GRIK2: variants seen among roughly 807,000 people sequenced by gnomAD.
GRIK2 encodes glutamate ionotropic receptor kainate type subunit 2.
GRIK2 carries 32 observed loss-of-function variants against 100.3 expected under a neutral mutation model. That is an observed-to-expected ratio of 0.32 (90% CI 0.24 to 0.43). The LOEUF (loss-of-function observed/expected upper bound fraction) is 0.43, where lower values mean the gene tolerates loss of function less well. Among genes scored for constraint, GRIK2 ranks in the 20% least tolerant of loss-of-function variants. The probability of loss-of-function intolerance (pLI) is 1.00; values close to 1 mark genes in which losing one functional copy is unlikely to be tolerated. For synonymous variants in GRIK2, 417 were observed against 389.4 expected (o/e 1.07, Z -0.83); for missense variants, 843 against 1,114.9 (o/e 0.76, Z 3.47).
intron 2 of GRIK2, among the ~76,000 whole-genome samples, chr6:101,478,545 A>C (rs1351132659): frequency 7.5e-6 from 1 of 133,730 alleles, no homozygotes. Flanking sequence ...ATGGAGTCTC[A>C]CTCGGTTGCC....
intron 10 of GRIK2, among the ~76,000 whole-genome samples, chr6:101,844,751 T>G (rs1157854523): frequency 6.6e-6 from 1 of 152,166 alleles, no homozygotes; most frequent in Non-Finnish European, 1.5e-5. Flanking sequence ...GTCTCATTTT[T>G]TTCTTTTTGG....
At chr6:101,427,379 A>G (rs1362223055) in intron 2 of GRIK2, among the ~76,000 whole-genome samples, 1 of 152,180 alleles carries the variant, frequency 6.6e-6, no homozygotes, top group Admixed American at 6.5e-5. Flanking sequence ...TGGAAGTTAC[A>G]TATTTGTCTT....
chr6:101,419,372 G>T (rs992652474), intron 2 of GRIK2, among the ~76,000 whole-genome samples: 2 of 152,158 alleles, frequency 1.3e-5, no homozygotes, highest in Admixed American at 6.5e-5. Flanking sequence ...AGAGGCTAGG[G>T]AGGGGTGGAG....
intron 12 of GRIK2, among the ~76,000 whole-genome samples, chr6:101,902,392 G>T (rs1336466540): frequency 2.0e-5 from 3 of 151,972 alleles, no homozygotes; most frequent in Non-Finnish European, 4.4e-5. Flanking sequence ...TGACAAGGTT[G>T]TAGAGCCTTG....
At chr6:101,548,852 G>A (rs1462259158) in intron 2 of GRIK2, among the ~76,000 whole-genome samples, 4 of 152,118 alleles carry the variant, frequency 2.6e-5, no homozygotes. Context: ...TATAGGTATG[G>A]ATATGTAGAA....
At chr6:101,794,501 C>T (rs1034701329) in intron 7 of GRIK2, among the ~76,000 whole-genome samples, 3 of 152,030 alleles carry the variant, frequency 2.0e-5, no homozygotes, top group East Asian at 1.9e-4. Flanking sequence ...TTTTGTATAT[C>T]GTTTGTTCCC....
chr6:101,463,857 T>C (rs1771473802), intron 2 of GRIK2, among the ~76,000 whole-genome samples: 1 of 152,110 alleles, frequency 6.6e-6, no homozygotes, highest in African/African-American at 2.4e-5. Context: ...AATTTCACTT[T>C]GTGTGATGGT....
rs370241149 is a variant in GRIK2 at position 101,909,371 on chromosome 6, G to GTTTTTTTTTTTTTTTTTTTTTT, written c.1749-15226_1749-15225insTTTTTTTTTTTTTTTTTTTTTT. On this transcript the variant is annotated intron_variant, in intron 12 of 16. Transcript: ENST00000369134. Reference sequence around the variant, plus strand: ...TTTTTGGATGCTGAAGGAAGATAGGGTTTTCTTTTTCTTTTTTTTTTTTTT... The same window carrying GTTTTTTTTTTTTTTTTTTTTTT: ...TTTTTGGATGCTGAAGGAAGATAGGGTTTTTTTTTTTTTTTTTTTTTTTTTTCTTTTTCTTTTTTTTTTTTTT... Among the ~76,000 whole-genome samples, 2 of 83,536 alleles carry GTTTTTTTTTTTTTTTTTTTTTT rather than the reference G, an allele frequency of 2.4e-5. 1 individual carries two copies. The highest frequency in any genetic ancestry group is 8.7e-5 in the African/African-American group (2 of 22,872). 54.8% of individuals were successfully genotyped at this position (83,536 alleles called of 152,430 possible).
chr6:101,650,901 T>A (rs1781754626), intron 4 of GRIK2, among the ~76,000 whole-genome samples: 1 of 151,998 alleles, frequency 6.6e-6, no homozygotes, highest in Non-Finnish European at 1.5e-5. Flanking sequence ...CGCATATGCA[T>A]TAAACAAAAG....
chr6:101,823,429 C>A (rs1362444890), intron 10 of GRIK2, among the ~76,000 whole-genome samples: 1 of 150,260 alleles, frequency 6.7e-6, no homozygotes, highest in East Asian at 2.0e-4. Flanking sequence ...CAGGTCTATG[C>A]CTAAAGCTCA....
chr6:101,488,238 A>G (rs1008709305), intron 2 of GRIK2, among the ~76,000 whole-genome samples: 1 of 146,734 alleles, frequency 6.8e-6, no homozygotes, highest in Non-Finnish European at 1.5e-5. Flanking sequence ...AAGAATGCTT[A>G]AGAAAAGCTT....
intron 16 of GRIK2, among the ~76,000 whole-genome samples, chr6:102,057,554 C>A (rs1771524175): frequency 2.0e-5 from 3 of 151,932 alleles, no homozygotes; most frequent in South Asian, 4.1e-4. Context: ...CAAACGGAAA[C>A]AATGAAGCAT....
intron 2 of GRIK2, among the ~76,000 whole-genome samples, chr6:101,584,704 T>A (rs1778268463): frequency 6.6e-6 from 1 of 151,970 alleles, no homozygotes; most frequent in African/African-American, 2.4e-5. Flanking sequence ...TAAATCAGCA[T>A]AACTACCCAA....
intron 7 of GRIK2, among the ~76,000 whole-genome samples, chr6:101,719,682 G>A (rs1170372574): frequency 6.6e-6 from 1 of 151,960 alleles, no homozygotes; most frequent in Non-Finnish European, 1.5e-5. Context: ...TATATGAATA[G>A]CTGTGCTAAA....
In GRIK2 at chr6:101,591,194, AT is replaced by A. The variant is rs148659120; in HGVS notation, c.116-30745del. The stretch of plus-strand genomic sequence containing the variant: ...AGCAATGGTGAATCTTTTTTGTTCC[AT>A]TTTTTTTTTAATTTTTCCGCATAAG... On this transcript the variant is annotated intron_variant, in intron 2 of 16. Transcript: ENST00000369134. Among the ~76,000 whole-genome samples the A allele has an allele frequency of 8.2e-3, 1,183 of 144,314 alleles. 16 individuals carry two copies. The highest frequency in any genetic ancestry group is 0.028 in the African/African-American group (1,082 of 39,082). The allele number at this position is 144,314 out of a possible 152,430, so 94.7% of individuals were successfully genotyped here. A position where few individuals can be genotyped will look rare whatever the true frequency, so the allele number is the denominator to read the frequency against.
chr6:101,900,084 T>G (rs181245511), intron 12 of GRIK2, among the ~76,000 whole-genome samples: 22 of 152,266 alleles, frequency 1.4e-4, no homozygotes, highest in Middle Eastern at 3.4e-3. Flanking sequence ...AATGTTGATA[T>G]TACTACTTCA....
At chr6:101,971,691 AC>A (rs1793061975) in intron 14 of GRIK2, among the ~76,000 whole-genome samples, 1 of 151,934 alleles carries the variant, frequency 6.6e-6, no homozygotes, top group Non-Finnish European at 1.5e-5. Flanking sequence ...TGATCCTGTC[AC>A]CCAGGTATTG....
intron 2 of GRIK2, among the ~76,000 whole-genome samples, chr6:101,402,494 T>C (rs1411910467): frequency 1.3e-5 from 2 of 152,198 alleles, no homozygotes; most frequent in African/African-American, 2.4e-5. Flanking sequence ...TGAGAAAAGG[T>C]ATCCGGAGCA....
chr6:101,904,619 T>G (rs533417200), intron 12 of GRIK2, among the ~76,000 whole-genome samples: 134 of 151,620 alleles, frequency 8.8e-4, no homozygotes, highest in Non-Finnish European at 1.8e-3. Flanking sequence ...CATAAAAATT[T>G]ATGAAATCAT....
Sources: gnomAD v4.1 joint callset for allele counts (sites outside exome capture counted in the v4.1 genomes callset) on GRCh38, gnomAD v4.1.1 for gene constraint, MANE v1.5 for transcripts, NCBI Gene and HGNC (gene_info 2026-07-23, HGNC 2026-07-21) for gene names.